PRCD: variants seen among roughly 807,000 people sequenced by gnomAD.
PRCD encodes the protein photoreceptor disc component.
A neutral mutation model predicts 10.1 loss-of-function variants in PRCD; 12 were observed. That is an observed-to-expected ratio of 1.18 (90% CI 0.76 to 1.92). The LOEUF (loss-of-function observed/expected upper bound fraction) is 1.92, where lower values mean the gene tolerates loss of function less well. Among genes scored for constraint, PRCD ranks in the 40% most tolerant of loss-of-function variants. The probability of loss-of-function intolerance (pLI) is 0.00; values close to 1 mark genes in which losing one functional copy is unlikely to be tolerated. For missense variants in PRCD, 61 were observed against 72.2 expected (o/e 0.84, Z 0.56); for synonymous variants, 31 against 26.2 (o/e 1.18, Z -0.56).
At position 76,542,656 on chromosome 17, in the gene PRCD, G is replaced by A. The variant is rs768279494; in HGVS notation, c.*59+23G>A. ...CAGGTAGGGCAGGGCTGGGAGCCGG[G>A]GAGGGCAGAGGGCAAGGCTTGGGAC... is the stretch of plus-strand genomic sequence containing the variant. On this transcript the variant is annotated intron_variant, in intron 3 of 4. Transcript: ENST00000592014. 4 of 1,490,622 alleles carry A rather than the reference G, an allele frequency of 2.7e-6. No homozygotes were observed. In the Admixed American group the frequency reaches 5.0e-5, roughly 19 times the overall value. The allele number at this position is 1,490,622 out of a possible 1,614,324, so 92.3% of individuals were successfully genotyped here.
rs538690607 is a variant in PRCD at position 76,530,719 on chromosome 17, G to T, written n.45+2886G>T. On this transcript the variant is annotated intron_variant and non_coding_transcript_variant, in intron 1 of 4. Coordinates refer to the PRCD transcript ENST00000397633. The surrounding 1 kb of genome is among the most constrained non-coding windows in gnomAD (Gnocchi z 6.1). ...GCTTTGGGTGCTCTGAGCTCTCCCT[G>T]GCTCTAGGGAAGGGGAAGGCTCTTT... 2.0e-5 allele frequency among the ~76,000 whole-genome samples: 3 copies of T among 152,306 alleles called. No homozygotes were observed. The highest frequency in any genetic ancestry group is 7.2e-5 in the African/African-American group (3 of 41,572).
rs1021334115 is a variant in PRCD at position 76,533,167 on chromosome 17, C to G, written n.45+5334C>G. Among the ~76,000 whole-genome samples the G allele has an allele frequency of 2.6e-5, 4 of 152,158 alleles. No homozygotes were observed. The highest frequency in any genetic ancestry group is 9.7e-5 in the African/African-American group (4 of 41,426). On this transcript the variant is annotated intron_variant and non_coding_transcript_variant, in intron 1 of 4. Transcript: ENST00000397633. This position sits in a 1 kb window ranked among gnomAD's most constrained non-coding sequence, Gnocchi z 4.5. ...GTTTGCACAGTGACCAGGGCACAGT[C>G]TGTGTGGAGACTCAGGAGGGCCCCT...
downstream of PRCD, chr17:76,545,601 C>A: frequency 2.9e-6 from 1 of 340,688 alleles, no homozygotes; most frequent in Admixed American, 3.8e-5. Flanking sequence ...GGGTTTGAAC[C>A]TTGTTCCACC....
At position 76,540,464 on chromosome 17, in the gene PRCD, G is replaced by A. The variant is rs751944355; in HGVS notation, c.75-41G>A. On this transcript the variant is annotated intron_variant, in intron 1 of 4. Transcript: ENST00000592014. This position sits in a 1 kb window ranked among gnomAD's most constrained non-coding sequence, Gnocchi z 5.0. The stretch of plus-strand genomic sequence containing the variant: ...CTGTGGAGGGACAGTGAGGGGCTGG[G>A]CACAGCCATAGCTCTTCCTCCCTAC... 29 of 1,604,980 alleles carry A rather than the reference G, an allele frequency of 1.8e-5. No individual in the cohort carries two copies. The highest frequency in any genetic ancestry group is 2.5e-5 in the Non-Finnish European group (29 of 1,172,412).
upstream of PRCD, chr17:76,537,586 GGCGGGGCGCGGGGC>G (rs747063204): frequency 2.2e-4 from 269 of 1,208,478 alleles, no homozygotes; most frequent in East Asian, 6.0e-4. Flanking sequence ...CGGCGGCGGT[GGCGGGGCGCGGGGC>G]GCGGGGCGCG....
intron 1 of PRCD, among the ~76,000 whole-genome samples, chr17:76,534,146 TTC>T (rs71158013): frequency 0.027 from 3,439 of 128,964 alleles, 138 homozygotes; most frequent in African/African-American, 0.079. Flanking sequence ...CTCTTTCTCT[TTC>T]TCTCTCTCTC....
At position 76,540,230 on chromosome 17, in the gene PRCD, G is replaced by A. The variant is rs754493922; in HGVS notation, c.74+15G>A. On this transcript the variant is annotated intron_variant, in intron 1 of 4. Coordinates refer to ENST00000592014, the MANE Select transcript of PRCD (RefSeq NM_001077620.3). This position sits in a 1 kb window ranked among gnomAD's most constrained non-coding sequence, Gnocchi z 5.0. ...CGAGTCCAACCGTGAGAAACTGACC[G>A]GGCTATGGCTGGCGGTTGGTCGGGG... is the stretch of plus-strand genomic sequence containing the variant. 8.3e-6 allele frequency: 13 copies of A among 1,570,956 alleles called. No homozygotes were observed. The highest frequency in any genetic ancestry group is 3.5e-5 in the South Asian group (3 of 86,296).
downstream of PRCD, among the ~76,000 whole-genome samples, chr17:76,549,108 C>T (rs977326115): frequency 2.0e-5 from 3 of 152,164 alleles, no homozygotes; most frequent in African/African-American, 7.2e-5. Context: ...AAGCACTAAC[C>T]AGAAAAGAAA....
rs908824135 is a variant in PRCD at position 76,529,515 on chromosome 17, C to T, written n.45+1682C>T. The T allele has an allele frequency of 6.1e-6, 6 of 985,312 alleles. No individual in the cohort carries two copies. In the African/African-American group the frequency reaches 8.7e-5, roughly 14 times the overall value. 61.0% of individuals were successfully genotyped at this position (985,312 alleles called of 1,614,324 possible). A position where few individuals can be genotyped will look rare whatever the true frequency, so the allele number is the denominator to read the frequency against. On this transcript the variant is annotated intron_variant and non_coding_transcript_variant, in intron 1 of 4. Coordinates refer to the PRCD transcript ENST00000397633. ...CATGTGTTTCTGATTCACTGGGGCT[C>T]GCGCCCAGCCAGCTCTCTTTCCAGT...
chr17:76,545,060 G>C lies in PRCD; in HGVS notation c.*1410G>C, dbSNP rs374415732. On this transcript the variant is annotated 3_prime_UTR_variant, in exon 5 of 5. Transcript: ENST00000592014. ...AGCTGGGGTGCCATGTGGGCCGGGT[G>C]GGGGGGCTGTCTCCCCCAGGGAGCA... The C allele has an allele frequency of 6.4e-5, 29 of 450,828 alleles. No individual in the cohort carries two copies. The highest frequency in any genetic ancestry group is 3.1e-4 in the Admixed American group (13 of 42,430). The allele number at this position is 450,828 out of a possible 1,614,324, so 27.9% of individuals were successfully genotyped here.
Position 76,542,652 on chromosome 17 carries a change from C to T in PRCD, c.*59+19C>T. ...CAGGCAGGTAGGGCAGGGCTGGGAGCCGGGGAGGGCAGAGGGCAAGGCTTG... is the reference window on the plus strand; with the variant it reads ...CAGGCAGGTAGGGCAGGGCTGGGAGTCGGGGAGGGCAGAGGGCAAGGCTTG... On this transcript the variant is annotated intron_variant, in intron 3 of 4. Coordinates refer to ENST00000592014, the MANE Select transcript of PRCD (RefSeq NM_001077620.3). 3.9e-6 allele frequency: 6 copies of T among 1,531,582 alleles called. No individual in the cohort carries two copies. The highest frequency in any genetic ancestry group is 5.4e-6 in the Non-Finnish European group (6 of 1,105,250). The allele number at this position is 1,531,582 out of a possible 1,614,324, so 94.9% of individuals were successfully genotyped here. A position where few individuals can be genotyped will look rare whatever the true frequency, so the allele number is the denominator to read the frequency against.
In PRCD at chr17:76,540,757, G is replaced by T. The variant is rs1012078470; in HGVS notation, c.143+184G>T. ...GCTGGATGTCTGTTTTCTGCGGTTG[G>T]GAATGGGAACCCTCAGCTCGCTCCT... On this transcript the variant is annotated intron_variant, in intron 2 of 4. Transcript: ENST00000592014. The surrounding 1 kb of genome is among the most constrained non-coding windows in gnomAD (Gnocchi z 5.0). Among the ~76,000 whole-genome samples the T allele has an allele frequency of 4.6e-5, 7 of 152,242 alleles. No individual in the cohort carries two copies. The highest frequency in any genetic ancestry group is 1.7e-4 in the African/African-American group (7 of 41,470).
chr17:76,531,923 C>T lies in PRCD; in HGVS notation n.45+4090C>T, dbSNP rs930582. On this transcript the variant is annotated intron_variant and non_coding_transcript_variant, in intron 1 of 4. Coordinates refer to the PRCD transcript ENST00000397633. This position sits in a 1 kb window ranked among gnomAD's most constrained non-coding sequence, Gnocchi z 7.4. The stretch of plus-strand genomic sequence containing the variant: ...TATCTGCCAGGCTTGCTCAGGCTGG[C>T]GGCTTCATCTCCTAGGCCTCTGTCT... The T allele has an allele frequency of 2.8e-5, 13 of 472,332 alleles. No individual in the cohort carries two copies. Among genetic ancestry groups the T allele is most frequent in the Admixed American group, 1.1e-4 (3 of 27,476 alleles). The allele number at this position is 472,332 out of a possible 1,614,324, so 29.3% of individuals were successfully genotyped here.
chr17:76,547,983 C>A (rs1567915701), downstream of PRCD, among the ~76,000 whole-genome samples: 1 of 151,730 alleles, frequency 6.6e-6, no homozygotes, highest in East Asian at 1.9e-4. Context: ...CATACACATA[C>A]ATACACATTC....
rs1412596253 is a variant in PRCD at position 76,529,935 on chromosome 17, G to A, written n.45+2102G>A. ...AGAGGGGGGAGGGGAGCAGGAGCCA[G>A]CCCGGGGCCAGTGTGGTCAGCAGCA... On this transcript the variant is annotated intron_variant and non_coding_transcript_variant, in intron 1 of 4. Transcript: ENST00000397633. 5.1e-6 allele frequency: 5 copies of A among 985,338 alleles called. No homozygotes were observed. The East Asian group carries it at 3.4e-4, about 67-fold the overall frequency. 61.0% of individuals were successfully genotyped at this position (985,338 alleles called of 1,614,324 possible). A position where few individuals can be genotyped will look rare whatever the true frequency, so the allele number is the denominator to read the frequency against.
intron 2 of PRCD, among the ~76,000 whole-genome samples, chr17:76,542,319 T>C (rs1001858786): frequency 6.6e-6 from 1 of 152,180 alleles, no homozygotes; most frequent in African/African-American, 2.4e-5. Context: ...CTGGAAAAAT[T>C]GGTCTGACAT....
At chr17:76,545,498 T>G (rs2075045834), downstream of PRCD, 1 of 399,902 alleles carries the variant, frequency 2.5e-6, no homozygotes, top group Non-Finnish European at 5.0e-6. Flanking sequence ...GAGGGAGAGC[T>G]GAGCCAAAGG....
In PRCD at chr17:76,529,891, T is replaced by C. The variant is rs2074814186; in HGVS notation, n.45+2058T>C. The C allele has an allele frequency of 7.1e-6, 7 of 985,042 alleles. No homozygotes were observed. In the African/African-American group the frequency reaches 8.7e-5, roughly 12 times the overall value. 61.0% of individuals were successfully genotyped at this position (985,042 alleles called of 1,614,324 possible). On this transcript the variant is annotated intron_variant and non_coding_transcript_variant, in intron 1 of 4. Coordinates refer to the PRCD transcript ENST00000397633. ...AGCAGTTCCCGAGGACTCCACTCTC[T>C]TGGGGTGGTGCTGACGGGAGAGGGG... is the stretch of plus-strand genomic sequence containing the variant.
rs1452173566 is a variant in PRCD at position 76,530,076 on chromosome 17, C to T, written n.45+2243C>T. 1.6e-5 allele frequency: 16 copies of T among 984,772 alleles called. No individual in the cohort carries two copies. Among genetic ancestry groups the T allele is most frequent in the African/African-American group, 5.2e-5 (3 of 57,152 alleles). 61.0% of individuals were successfully genotyped at this position (984,772 alleles called of 1,614,324 possible). A position where few individuals can be genotyped will look rare whatever the true frequency, so the allele number is the denominator to read the frequency against. On this transcript the variant is annotated intron_variant and non_coding_transcript_variant, in intron 1 of 4. Coordinates refer to the PRCD transcript ENST00000397633. This position sits in a 1 kb window ranked among gnomAD's most constrained non-coding sequence, Gnocchi z 6.1. ...GGCCCGTGCAGAGCCCGGCGGGAGA[C>T]GCCGCCTTTTCCATGGGAAACTGCT...
Sources: gnomAD v4.1 joint callset for allele counts (sites outside exome capture counted in the v4.1 genomes callset) on GRCh38, gnomAD v4.1.1 for gene constraint, Gnocchi (gnomAD v3.1) non-coding constraint, MANE v1.5 for transcripts, NCBI Gene and HGNC (gene_info 2026-07-23, HGNC 2026-07-21) for gene names.